Variants in DENND5B observed in about 807,000 individuals in gnomAD.
The protein encoded by DENND5B is DENN domain-containing protein 5B.
DENND5B carries 34 observed loss-of-function variants against 140.6 expected under a neutral mutation model. The observed-to-expected ratio is 0.24, with a 90% CI of 0.18 to 0.32. DENND5B has a LOEUF of 0.32. Ranked by LOEUF, DENND5B falls within the 10% of genes least tolerant of loss-of-function variation. DENND5B has a pLI of 1.00. For missense variants in DENND5B, 1,142 were observed against 1,560.2 expected, an observed-to-expected ratio of 0.73 and a Z score of 4.52; for synonymous variants, 551 against 562.1, an observed-to-expected ratio of 0.98 and a Z score of 0.28.
At chr12:31,395,580 C>T (rs1027799713) in intron 17 of DENND5B, among the ~76,000 whole-genome samples, 3 of 151,676 alleles carry the variant, frequency 2.0e-5, no homozygotes, top group African/African-American at 7.3e-5. Flanking sequence ...CCAACAAGAG[C>T]GAAAACTCAG....
chr12:31,413,452 T>G lies in DENND5B; in HGVS notation c.2665A>C (p.Asn889His). 1 of 1,613,398 alleles carries G rather than the reference T, an allele frequency of 6.2e-7. No individual in the cohort carries two copies. The highest frequency in any genetic ancestry group is 8.5e-7 in the Non-Finnish European group (1 of 1,179,536). ...GTATCTTACTTGGTGAGTGGTTGGT[T>G]AGAAAGCAACTGCTTAAGATGCTGG... ...LSQHLKQLLSNQPLTKKLYKR... is the reference protein window; with the variant it reads ...LSQHLKQLLSHQPLTKKLYKR... The change falls in exon 13 of 21, where the codon AAC becomes CAC. Residue 889 changes from asparagine (N) to histidine (H), a missense_variant. This residue lies in a region of DENND5B where 268 missense variants were observed against 349.2 expected (regional missense o/e 0.77). Transcript: ENST00000389082.
At chr12:31,496,769 A>G (rs191619766) in intron 1 of DENND5B, among the ~76,000 whole-genome samples, 215 of 152,150 alleles carry the variant, frequency 1.4e-3, no homozygotes, top group Non-Finnish European at 2.7e-3. Context: ...TAGCTATCAG[A>G]TTAGTTTTTT....
intron 1 of DENND5B, among the ~76,000 whole-genome samples, chr12:31,551,721 G>A (rs1949068967): frequency 6.6e-6 from 1 of 152,122 alleles, no homozygotes; most frequent in South Asian, 2.1e-4. Context: ...CCATTTGTTT[G>A]TATCTTCTTT....
chr12:31,555,725 T>C (rs1298302772), intron 1 of DENND5B, among the ~76,000 whole-genome samples: 1 of 152,182 alleles, frequency 6.6e-6, no homozygotes, highest in African/African-American at 2.4e-5. Flanking sequence ...GGCCGCTTTG[T>C]TTACCTAATC....
intron 11 of DENND5B, among the ~76,000 whole-genome samples, chr12:31,418,003 T>C (rs1465187262): frequency 2.6e-5 from 4 of 152,214 alleles, no homozygotes; most frequent in African/African-American, 9.6e-5. Context: ...TTCGGATCCC[T>C]ATGCTTTTGA....
At chr12:31,455,041 C>G (rs1056629057) in intron 4 of DENND5B, among the ~76,000 whole-genome samples, 66 of 150,646 alleles carry the variant, frequency 4.4e-4, no homozygotes, top group African/African-American at 1.4e-3. Flanking sequence ...AGGATGGTCT[C>G]GATCTCCTGA....
At chr12:31,399,548 G>A (rs1054455434) in intron 16 of DENND5B, 106 bp downstream of exon 16, 2 of 863,650 alleles carry the variant, frequency 2.3e-6, no homozygotes, top group Non-Finnish European at 3.6e-6. Flanking sequence ...CAAAGTGCTG[G>A]GATTATAGGT....
At position 31,460,389 on chromosome 12, in the gene DENND5B, G is replaced by A. The variant is rs1320614765; in HGVS notation, c.905-8C>T. On this transcript the variant is annotated splice_region_variant and splice_polypyrimidine_tract_variant and intron_variant, in intron 3 of 20. Coordinates refer to ENST00000389082, the MANE Select transcript of DENND5B (RefSeq NM_144973.4). ...TCATCAGGCGTTGATAATCTGCACA[G>A]AACAAGGAAAAAGGAAAGGGAAGAG... 6.2e-7 allele frequency: 1 copy of A among 1,605,182 alleles called. No individual in the cohort carries two copies. The highest frequency in any genetic ancestry group is 8.5e-7 in the Non-Finnish European group (1 of 1,174,034).
intron 1 of DENND5B, among the ~76,000 whole-genome samples, chr12:31,571,406 T>C (rs557009199): frequency 1.1e-4 from 16 of 152,336 alleles, no homozygotes; most frequent in African/African-American, 3.1e-4. Context: ...TAGATTATTT[T>C]AGCATTAAGC....
At chr12:31,409,421 C>T in intron 13 of DENND5B, 37 bp from the exon 14 acceptor site, 3 of 834,664 alleles carry the variant, frequency 3.6e-6, no homozygotes, top group Non-Finnish European at 4.4e-6. Context: ...ACAGTAGTAT[C>T]AAAGAAAAAA....
At chr12:31,589,772 C>A (rs1456420525) in intron 1 of DENND5B, among the ~76,000 whole-genome samples, 3 of 152,004 alleles carry the variant, frequency 2.0e-5, no homozygotes, top group Non-Finnish European at 4.4e-5. Flanking sequence ...ATTCAGATCC[C>A]GCGGAGGCAA....
At position 31,386,288 on chromosome 12, in the gene DENND5B, G is replaced by A. The variant is rs565686420; in HGVS notation, c.*1315C>T. ...AGTTACAGGACCTACCAGAAGATGA[G>A]GACTTACAGTAACTAGCCAATACTA... On this transcript the variant is annotated 3_prime_UTR_variant, in exon 21 of 21. Coordinates refer to ENST00000389082, the MANE Select transcript of DENND5B (RefSeq NM_144973.4). 2.6e-5 allele frequency: 4 copies of A among 154,840 alleles called. No individual in the cohort carries two copies. The highest frequency in any genetic ancestry group is 9.6e-5 in the African/African-American group (4 of 41,620). 9.6% of individuals were successfully genotyped at this position (154,840 alleles called of 1,614,324 possible).
At chr12:31,507,823 A>G (rs1947262575) in intron 1 of DENND5B, among the ~76,000 whole-genome samples, 2 of 152,356 alleles carry the variant, frequency 1.3e-5, no homozygotes, top group African/African-American at 4.8e-5. Flanking sequence ...GTTCTGGCTG[A>G]ATATGCTGGT....
At chr12:31,588,589 G>A (rs551424308) in intron 1 of DENND5B, among the ~76,000 whole-genome samples, 1 of 152,136 alleles carries the variant, frequency 6.6e-6, no homozygotes, top group Non-Finnish European at 1.5e-5. Context: ...GTAATCTAGA[G>A]ATGACAAAGT....
At chr12:31,407,901 G>C (rs142959250) in intron 14 of DENND5B, among the ~76,000 whole-genome samples, 3 of 152,152 alleles carry the variant, frequency 2.0e-5, no homozygotes, top group Non-Finnish European at 4.4e-5. Flanking sequence ...ATTCCTAATT[G>C]ATACAAGTAA....
At chr12:31,471,461 ATTTTT>A (rs747862984) in intron 3 of DENND5B, among the ~76,000 whole-genome samples, 7 of 111,934 alleles carry the variant, frequency 6.3e-5, no homozygotes, top group Admixed American at 1.1e-4. Flanking sequence ...CCATGCCTGT[ATTTTT>A]TTTTTTTTTT....
intron 1 of DENND5B, among the ~76,000 whole-genome samples, chr12:31,549,844 C>T (rs1241597680): frequency 6.6e-6 from 1 of 152,092 alleles, no homozygotes; most frequent in Non-Finnish European, 1.5e-5. Flanking sequence ...TAATGGCTCC[C>T]AGGTCCCAGT....
intron 3 of DENND5B, among the ~76,000 whole-genome samples, chr12:31,474,121 A>G (rs557029273): frequency 5.9e-5 from 9 of 152,330 alleles, no homozygotes; most frequent in East Asian, 1.9e-4. Context: ...GTTAATTCAC[A>G]TACAACTCAA....
intron 1 of DENND5B, among the ~76,000 whole-genome samples, chr12:31,502,868 C>T (rs867283123): frequency 1.3e-5 from 2 of 152,136 alleles, no homozygotes; most frequent in Non-Finnish European, 2.9e-5. Flanking sequence ...ATAAAGGAAT[C>T]GGTTTATTAC....
Sources: gnomAD v4.1 joint callset for allele counts (sites outside exome capture counted in the v4.1 genomes callset) on GRCh38, gnomAD v4.1.1 for gene constraint, gnomAD v4.1.1 regional missense constraint, MANE v1.5 for transcripts, NCBI Gene and HGNC (gene_info 2026-07-23, HGNC 2026-07-21) for gene names.